TSBP1: variants seen among roughly 807,000 people sequenced by gnomAD.
The protein encoded by TSBP1 is testis-expressed basic protein 1.
In TSBP1, 56 loss-of-function variants were observed where a neutral mutation model predicts 68.8. The ratio of observed to expected loss-of-function variants is 0.81; its 90% CI spans 0.66 to 1.02. The LOEUF (loss-of-function observed/expected upper bound fraction) is 1.02, where lower values mean the gene tolerates loss of function less well. TSBP1 is among the 50% of genes least tolerant of loss of function. TSBP1 has a pLI of 0.00. For synonymous variants in TSBP1, 171 were observed against 208.7 expected (o/e 0.82, Z 1.56); for missense variants, 502 against 641.2 (o/e 0.78, Z 2.34).
intron 1 of TSBP1, 64 bp downstream of exon 1, chr6:32,371,630 C>A (rs1315629174): frequency 1.5e-5 from 17 of 1,171,308 alleles, no homozygotes; most frequent in Non-Finnish European, 2.1e-5. Context: ...GTCCCTAAGT[C>A]CCTAAGAGGA....
rs1769340034 is a variant in TSBP1, at chr6:32,333,844, A to G, written c.472+1593T>C. 1 of 158,850 alleles carries G rather than the reference A, an allele frequency of 6.3e-6. No individual in the cohort carries two copies. The allele number at this position is 158,850 out of a possible 1,614,324, so 9.8% of individuals were successfully genotyped here. ...ATGAGAAATATCCACATTTTGATCA[A>G]TAATCCTCGAACTTTTAACTCTGAA... On this transcript the variant is annotated intron_variant, in intron 14 of 22. Coordinates refer to ENST00000612031, the Ensembl canonical transcript of TSBP1. The surrounding 1 kb of genome is among the most constrained non-coding windows in gnomAD (Gnocchi z 4.2).
intron 19 of TSBP1, among the ~76,000 whole-genome samples, chr6:32,303,364 T>C (rs1765487868): frequency 6.6e-6 from 1 of 152,050 alleles, no homozygotes. Context: ...GGTTCATACA[T>C]ATGTAGAATT....
intron 8 of TSBP1, among the ~76,000 whole-genome samples, chr6:32,351,396 C>T (rs17208405): frequency 0.039 from 5,960 of 152,060 alleles, 337 homozygotes; most frequent in African/African-American, 0.12. Context: ...AAGGGCCATC[C>T]GCCAATCTGG....
chr6:32,294,205 T>A (rs1653260971), intron 22 of TSBP1, 170 bp from the exon 26 acceptor site: 1 of 744,898 alleles, frequency 1.3e-6, no homozygotes, highest in African/African-American at 1.8e-5. Flanking sequence ...ATTATAAAAG[T>A]ATCGATAAAA....
In TSBP1 at chr6:32,325,079, G is replaced by T. The variant is rs1168652050; in HGVS notation, c.515-1465C>A. ...AGTTCCTAACATTCTTTAGAGTCATGTAAAAACTTTTTTCTCAGGTCTTTA... is the reference window on the plus strand; with the variant it reads ...AGTTCCTAACATTCTTTAGAGTCATTTAAAAACTTTTTTCTCAGGTCTTTA... On this transcript the variant is annotated intron_variant, in intron 16 of 22. Transcript: ENST00000612031. This position sits in a 1 kb window ranked among gnomAD's most constrained non-coding sequence, Gnocchi z 4.4. 4.3e-6 allele frequency: 2 copies of T among 461,962 alleles called. No homozygotes were observed. Among genetic ancestry groups the T allele is most frequent in the Non-Finnish European group, 7.5e-6 (2 of 264,966 alleles). The allele number at this position is 461,962 out of a possible 1,614,324, so 28.6% of individuals were successfully genotyped here.
At chr6:32,334,809 G>T (rs1440568271) in intron 14 of TSBP1, among the ~76,000 whole-genome samples, 1 of 152,122 alleles carries the variant, frequency 6.6e-6, no homozygotes, top group Non-Finnish European at 1.5e-5. Flanking sequence ...TGAGGCGGGC[G>T]GATCACGAGG....
rs925431468 is a variant in TSBP1, at chr6:32,321,393, A to G, written c.559+1724T>C. Among the ~76,000 whole-genome samples, 5 of 152,122 alleles carry G rather than the reference A, an allele frequency of 3.3e-5. No homozygotes were observed. Among genetic ancestry groups the G allele is most frequent in the Admixed American group, 1.3e-4 (2 of 15,264 alleles). ...CTCTCTGATGACTTCTCTGAAAAGG[A>G]CACTATGCCTTCAATTTGGATTTTG... On this transcript the variant is annotated intron_variant, in intron 18 of 22. Transcript: ENST00000612031. The surrounding 1 kb of genome is among the most constrained non-coding windows in gnomAD (Gnocchi z 4.3).
intron 22 of TSBP1, among the ~76,000 whole-genome samples, chr6:32,297,182 C>T (rs1228474933): frequency 6.6e-6 from 1 of 152,150 alleles, no homozygotes; most frequent in Non-Finnish European, 1.5e-5. Flanking sequence ...GTTCATACAT[C>T]TTTTCCTTCT....
chr6:32,324,655 C>T, intron 16 of TSBP1: 1 of 1,550,788 alleles, frequency 6.4e-7, no homozygotes, highest in Non-Finnish European at 8.7e-7. Flanking sequence ...CATAGACTTA[C>T]TGATTGTGTG....
chr6:32,310,761 A>ATATATATT, intron 19 of TSBP1, among the ~76,000 whole-genome samples: 13 of 144,834 alleles, frequency 9.0e-5, no homozygotes, highest in South Asian at 6.6e-4. Flanking sequence ...ATATATATAT[A>ATATATATT]TTTTTAATCT....
rs1769895866 is a variant in TSBP1, at chr6:32,338,240, A to G, written c.409+739T>C. Among the ~76,000 whole-genome samples the G allele has an allele frequency of 6.6e-6, 1 of 152,154 alleles. No homozygotes were observed. Among genetic ancestry groups the G allele is most frequent in the South Asian group, 2.1e-4 (1 of 4,826 alleles). ...CAAATCACCTGGGAATCTTATTAAA[A>G]TGCAGAGTCTGATTTAGTAGGTCGG... On this transcript the variant is annotated intron_variant, in intron 11 of 22. Transcript: ENST00000612031. This position sits in a 1 kb window ranked among gnomAD's most constrained non-coding sequence, Gnocchi z 5.5.
chr6:32,338,889 A>T lies in TSBP1; in HGVS notation c.409+90T>A, dbSNP rs1769990662. 9.6e-7 allele frequency: 1 copy of T among 1,042,256 alleles called. No individual in the cohort carries two copies. The highest frequency in any genetic ancestry group is 2.4e-5 in the East Asian group (1 of 42,242). 64.6% of individuals were successfully genotyped at this position (1,042,256 alleles called of 1,614,324 possible). Reference sequence around the variant, plus strand: ...GGAATGGACAATTTGTGAAAGAAATAAAAAAATCTAGGAATATGAGTGTCT... The same window carrying T: ...GGAATGGACAATTTGTGAAAGAAATTAAAAAATCTAGGAATATGAGTGTCT... On this transcript the variant is annotated intron_variant, in intron 11 of 22. Coordinates refer to ENST00000612031, the Ensembl canonical transcript of TSBP1. This position sits in a 1 kb window ranked among gnomAD's most constrained non-coding sequence, Gnocchi z 5.5.
At chr6:32,295,322 T>C (rs9268149) in intron 22 of TSBP1, among the ~76,000 whole-genome samples, 117,581 of 141,838 alleles carry the variant, frequency 0.83, 48,685 homozygotes, top group South Asian at 0.92. Context: ...GGTGACAGAG[T>C]GATACTCCAT....
In TSBP1 at chr6:32,316,139, C is replaced by G. The variant is rs1454639559; in HGVS notation, c.560-347G>C. Among the ~76,000 whole-genome samples the G allele has an allele frequency of 6.6e-6, 1 of 152,152 alleles. No homozygotes were observed. The highest frequency in any genetic ancestry group is 2.4e-5 in the African/African-American group (1 of 41,438). On this transcript the variant is annotated intron_variant, in intron 18 of 22. Coordinates refer to ENST00000612031, the Ensembl canonical transcript of TSBP1. The surrounding 1 kb of genome is among the most constrained non-coding windows in gnomAD (Gnocchi z 4.5). ...TTGAGAGAACACTGAAAGCCTCTCT[C>G]CATTTAAACATCATTATGGATTTCA...
intron 19 of TSBP1, among the ~76,000 whole-genome samples, chr6:32,307,619 T>G (rs1765893834): frequency 6.6e-6 from 1 of 152,148 alleles, no homozygotes; most frequent in Admixed American, 6.5e-5. Context: ...GAGAGAAATA[T>G]TATTAAAATA....
At chr6:32,328,252 T>G (rs6457543) in intron 16 of TSBP1, among the ~76,000 whole-genome samples, 53,131 of 151,266 alleles carry the variant, frequency 0.35, 9,937 homozygotes, top group Middle Eastern at 0.46. Flanking sequence ...TCATTTTTTT[T>G]TGTGTGTGTT....
At position 32,302,521 on chromosome 6, in the gene TSBP1, C is replaced by T; in HGVS notation, c.601+88G>A. The T allele has an allele frequency of 1.1e-6, 1 of 897,818 alleles. No individual in the cohort carries two copies. The highest frequency in any genetic ancestry group is 1.7e-5 in the African/African-American group (1 of 58,168). The allele number at this position is 897,818 out of a possible 1,614,324, so 55.6% of individuals were successfully genotyped here. On this transcript the variant is annotated intron_variant, in intron 20 of 22. Transcript: ENST00000612031. This position sits in a 1 kb window ranked among gnomAD's most constrained non-coding sequence, Gnocchi z 5.1. ...CAAAAACCCAGCAAACAAAAACAAA[C>T]ATAAAACATTAAAAACATTTGTAGA...
intron 22 of TSBP1, among the ~76,000 whole-genome samples, chr6:32,295,231 G>A (rs983746652): frequency 1.3e-5 from 2 of 151,706 alleles, no homozygotes; most frequent in Non-Finnish European, 1.5e-5. Flanking sequence ...AGCTACTCAT[G>A]AGGCTGAGGC....
Position 32,325,115 on chromosome 6 carries a change from G to T in TSBP1, c.515-1501C>A. On this transcript the variant is annotated intron_variant, in intron 16 of 22. Coordinates refer to ENST00000612031, the Ensembl canonical transcript of TSBP1. This position sits in a 1 kb window ranked among gnomAD's most constrained non-coding sequence, Gnocchi z 4.4. Reference sequence around the variant, plus strand: ...TTTCTCAGGTCTTTATTTTTTATGCGAGTCAGTGAATGTTCTAGAAACTTA... The same window carrying T: ...TTTCTCAGGTCTTTATTTTTTATGCTAGTCAGTGAATGTTCTAGAAACTTA... The T allele has an allele frequency of 2.2e-6, 1 of 461,924 alleles. No homozygotes were observed. Among genetic ancestry groups the T allele is most frequent in the East Asian group, 3.2e-5 (1 of 31,104 alleles). The allele number at this position is 461,924 out of a possible 1,614,324, so 28.6% of individuals were successfully genotyped here.
Sources: gnomAD v4.1 joint callset for allele counts (sites outside exome capture counted in the v4.1 genomes callset) on GRCh38, gnomAD v4.1.1 for gene constraint, Gnocchi (gnomAD v3.1) non-coding constraint, MANE v1.5 for transcripts, NCBI Gene and HGNC (gene_info 2026-07-23, HGNC 2026-07-21) for gene names.